Variants in SH2D4B observed in about 807,000 individuals in gnomAD.
SH2D4B encodes SH2 domain containing 4B.
SH2D4B carries 45 observed loss-of-function variants against 61.5 expected under a neutral mutation model. The ratio of observed to expected loss-of-function variants is 0.73; its 90% CI spans 0.58 to 0.94. SH2D4B has a LOEUF of 0.94. Among genes scored for constraint, SH2D4B ranks in the 40% least tolerant of loss-of-function variants. The pLI, the probability that SH2D4B is intolerant of heterozygous loss-of-function variation, is 0.00. For missense variants in SH2D4B, 572 were observed against 574.2 expected, an observed-to-expected ratio of 1.00 and a Z score of 0.04; for synonymous variants, 224 against 220.4, an observed-to-expected ratio of 1.02 and a Z score of -0.14.
At chr10:80,544,109 C>T (rs1187290296) in intron 1 of SH2D4B, among the ~76,000 whole-genome samples, 1 of 152,130 alleles carries the variant, frequency 6.6e-6, no homozygotes, top group East Asian at 1.9e-4. Context: ...TGCAATAAAT[C>T]TTGCTATTGC....
chr10:80,560,841 C>T (rs991358881), intron 1 of SH2D4B, among the ~76,000 whole-genome samples: 2 of 151,662 alleles, frequency 1.3e-5, no homozygotes, highest in African/African-American at 4.8e-5. Flanking sequence ...ACTATTTTCA[C>T]AATAACACTA....
intron 3 of SH2D4B, among the ~76,000 whole-genome samples, chr10:80,582,966 C>T (rs756164044): frequency 5.9e-5 from 9 of 152,152 alleles, no homozygotes; most frequent in Non-Finnish European, 1.3e-4. Context: ...GTTCCTCCTA[C>T]GATTGCCCTA....
intron 3 of SH2D4B, among the ~76,000 whole-genome samples, chr10:80,586,966 G>C (rs1842260936): frequency 6.6e-6 from 1 of 151,952 alleles, no homozygotes; most frequent in Admixed American, 6.6e-5. Flanking sequence ...TCCTGAGCCA[G>C]CGAGACCACG....
At chr10:80,640,925 G>GT (rs760111289) in intron 7 of SH2D4B, among the ~76,000 whole-genome samples, 20 of 152,178 alleles carry the variant, frequency 1.3e-4, no homozygotes, top group Non-Finnish European at 2.9e-4. Flanking sequence ...CATCTTTGTG[G>GT]TTTTATCTAC....
At chr10:80,637,839 A>C (rs1042522884) in intron 7 of SH2D4B, among the ~76,000 whole-genome samples, 1 of 152,196 alleles carries the variant, frequency 6.6e-6, no homozygotes, top group African/African-American at 2.4e-5. Context: ...TGTAGTGGTG[A>C]GAGAGGGCAT....
intron 7 of SH2D4B, 134 bp downstream of exon 7, chr10:80,634,639 A>AGGGTC: frequency 7.4e-7 from 1 of 1,354,534 alleles, no homozygotes; most frequent in Non-Finnish European, 9.9e-7. Flanking sequence ...GATGTAGAGC[A>AGGGTC]TCAGGGCAGA....
chr10:80,590,723 T>C (rs1487399809), intron 4 of SH2D4B, among the ~76,000 whole-genome samples: 1 of 152,092 alleles, frequency 6.6e-6, no homozygotes, highest in African/African-American at 2.4e-5. Flanking sequence ...AAAATGGAGA[T>C]ACAACTTACA....
chr10:80,637,567 A>T (rs1019386215), intron 7 of SH2D4B, among the ~76,000 whole-genome samples: 1 of 152,184 alleles, frequency 6.6e-6, no homozygotes, highest in Non-Finnish European at 1.5e-5. Flanking sequence ...GAGTTCACTC[A>T]TGATTTGGCT....
At chr10:80,614,131 T>A (rs1355178406) in intron 6 of SH2D4B, among the ~76,000 whole-genome samples, 1 of 152,176 alleles carries the variant, frequency 6.6e-6, no homozygotes, top group African/African-American at 2.4e-5. Context: ...GCTCCAGGTG[T>A]GTGAGGCTGT....
intron 1 of SH2D4B, among the ~76,000 whole-genome samples, chr10:80,567,328 T>C (rs868079254): frequency 6.6e-6 from 1 of 152,164 alleles, no homozygotes; most frequent in African/African-American, 2.4e-5. Flanking sequence ...GGAAGAGACA[T>C]AGGGTGGTGG....
intron 5 of SH2D4B, among the ~76,000 whole-genome samples, chr10:80,605,085 G>A (rs1047570915): frequency 6.6e-6 from 1 of 152,048 alleles, no homozygotes; most frequent in Non-Finnish European, 1.5e-5. Context: ...GAGCCACTGC[G>A]TCCGGCTCTG....
intron 1 of SH2D4B, among the ~76,000 whole-genome samples, chr10:80,568,993 C>G (rs1842005481): frequency 6.6e-6 from 1 of 152,238 alleles, no homozygotes; most frequent in East Asian, 1.9e-4. Flanking sequence ...ACATCGCTCA[C>G]CACCCAACTG....
At chr10:80,624,191 C>T (rs1278982979) in intron 6 of SH2D4B, among the ~76,000 whole-genome samples, 2 of 152,194 alleles carry the variant, frequency 1.3e-5, no homozygotes, top group Admixed American at 1.3e-4. Context: ...TCTACACATA[C>T]CATTTCTGCT....
At position 80,644,956 on chromosome 10, in the gene SH2D4B, G is replaced by A. The variant is rs1343742228; in HGVS notation, c.*871G>A. On this transcript the variant is annotated 3_prime_UTR_variant, in exon 8 of 8. Transcript: ENST00000646907. ...TCCCTTGTCAACTTAATCTCAGTAT[G>A]TTGCTTATATTAACAAGAAGACTCA... 2 of 152,196 alleles carry A rather than the reference G, an allele frequency of 1.3e-5. No homozygotes were observed. The highest frequency in any genetic ancestry group is 3.8e-4 in the East Asian group (2 of 5,202). The allele number at this position is 152,196 out of a possible 1,614,324, so 9.4% of individuals were successfully genotyped here.
intron 3 of SH2D4B, among the ~76,000 whole-genome samples, chr10:80,584,300 A>AG (rs1366366749): frequency 6.6e-6 from 1 of 152,244 alleles, no homozygotes; most frequent in Non-Finnish European, 1.5e-5. Context: ...TAACCAGTGC[A>AG]GATGGGAGAA....
In SH2D4B at chr10:80,587,140, TTTTTTGTTTTG is replaced by T. The variant is rs1564775894; in HGVS notation, c.496-1484_496-1474del. On this transcript the variant is annotated intron_variant, in intron 3 of 7. Transcript: ENST00000646907. ...ACCAATTCCGGCCACGTTTTTTTTT[TTTTTTGTTTTG>T]TTTTTTTTTTTTTTTTTGGAGACGC... 9.4e-5 allele frequency among the ~76,000 whole-genome samples: 5 copies of T among 53,342 alleles called. 1 individual carries two copies. The highest frequency in any genetic ancestry group is 3.5e-4 in the Admixed American group (2 of 5,714). The allele number at this position is 53,342 out of a possible 152,430, so 35.0% of individuals were successfully genotyped here.
chr10:80,568,346 G>A (rs1178596453), intron 1 of SH2D4B, among the ~76,000 whole-genome samples: 2 of 152,226 alleles, frequency 1.3e-5, no homozygotes, highest in Non-Finnish European at 2.9e-5. Context: ...ACAGTGGGCA[G>A]AGGTGTTGCA....
intron 7 of SH2D4B, among the ~76,000 whole-genome samples, chr10:80,643,540 T>A (rs565579688): frequency 5.9e-5 from 9 of 152,076 alleles, no homozygotes; most frequent in Non-Finnish European, 1.0e-4. Flanking sequence ...GCTGTAGGGG[T>A]TGGAGTTGAC....
chr10:80,644,107 T>A lies in SH2D4B; in HGVS notation c.*22T>A, dbSNP rs1394993872. ...ATAATTTTTTTCCTTATCAATTGGA[T>A]TCATTTTGGTATCCTGTTTTTGAAC... On this transcript the variant is annotated 3_prime_UTR_variant, in exon 8 of 8. Coordinates refer to ENST00000646907, the MANE Select transcript of SH2D4B (RefSeq NM_001388272.1). 6.3e-7 allele frequency: 1 copy of A among 1,589,716 alleles called. No homozygotes were observed. Among genetic ancestry groups the A allele is most frequent in the East Asian group, 2.2e-5 (1 of 44,674 alleles).
Sources: gnomAD v4.1 joint callset for allele counts (sites outside exome capture counted in the v4.1 genomes callset) on GRCh38, gnomAD v4.1.1 for gene constraint, MANE v1.5 for transcripts, NCBI Gene and HGNC (gene_info 2026-07-23, HGNC 2026-07-21) for gene names.